Variants in DDX50 observed in about 807,000 individuals in gnomAD.
The protein encoded by DDX50 is ATP-dependent RNA helicase DDX50.
Under a neutral mutation model 94.8 loss-of-function variants are expected in DDX50, and 56 were observed. The observed-to-expected ratio is 0.59, with a 90% CI of 0.48 to 0.74. The LOEUF (loss-of-function observed/expected upper bound fraction) is 0.74, where lower values mean the gene tolerates loss of function less well. Ranked by LOEUF, DDX50 falls within the 30% of genes least tolerant of loss-of-function variation. DDX50 has a pLI of 0.00. For synonymous variants in DDX50, 264 were observed against 295.4 expected (o/e 0.89, Z 1.09); for missense variants, 713 against 881.2 (o/e 0.81, Z 2.42).
intron 2 of DDX50, among the ~76,000 whole-genome samples, chr10:68,907,321 T>G (rs895133591): frequency 6.7e-6 from 1 of 148,648 alleles, no homozygotes; most frequent in Non-Finnish European, 1.5e-5. Flanking sequence ...TTTTTTCTTT[T>G]TTTTTTTTTT....
At chr10:68,910,911 T>A (rs919193378) in intron 3 of DDX50, among the ~76,000 whole-genome samples, 157 bp from the exon 4 acceptor site, 4 of 152,226 alleles carry the variant, frequency 2.6e-5, no homozygotes, top group African/African-American at 9.6e-5. Context: ...TTTAGACTAA[T>A]TTTTTAGTAA....
At chr10:68,911,314 T>C in intron 4 of DDX50, 68 bp downstream of exon 4, 1 of 1,445,700 alleles carries the variant, frequency 6.9e-7, no homozygotes, top group Admixed American at 2.5e-5. Context: ...GTTACACGAG[T>C]CCTAAGTTCT....
At chr10:68,931,447 A>AC (rs10525578) in intron 8 of DDX50, among the ~76,000 whole-genome samples, 2 of 134,948 alleles carry the variant, frequency 1.5e-5, no homozygotes, top group African/African-American at 2.7e-5. Context: ...ACACACACAC[A>AC]ATTTTTTTTT....
chr10:68,928,082 A>G (rs1043974423), intron 8 of DDX50, among the ~76,000 whole-genome samples: 5 of 152,206 alleles, frequency 3.3e-5, no homozygotes, highest in Admixed American at 6.5e-5. Flanking sequence ...CTGGGAAGCC[A>G]AGACAGGAAA....
intron 12 of DDX50, among the ~76,000 whole-genome samples, chr10:68,939,309 T>C (rs4746803): frequency 0.62 from 93,955 of 152,030 alleles, 29,444 homozygotes; most frequent in East Asian, 0.89. Flanking sequence ...TTAGAAAATA[T>C]TGAGATTTGA....
chr10:68,915,437 G>A (rs574720462), intron 7 of DDX50, among the ~76,000 whole-genome samples: 1 of 150,804 alleles, frequency 6.6e-6, no homozygotes, highest in African/African-American at 2.4e-5. Context: ...GAAAAAAAAG[G>A]CTGGGTGCGG....
chr10:68,945,415 T>C (rs1842648832), intron 14 of DDX50, among the ~76,000 whole-genome samples: 1 of 152,056 alleles, frequency 6.6e-6, no homozygotes, highest in Admixed American at 6.6e-5. Flanking sequence ...CAAGCAATTC[T>C]CCTGCGTCAG....
At chr10:68,913,618 C>T (rs773590944) in intron 6 of DDX50, 42 bp downstream of exon 6, 60 of 1,552,068 alleles carry the variant, frequency 3.9e-5, no homozygotes, top group Non-Finnish European at 5.0e-5. Flanking sequence ...AATTATTGTT[C>T]GATCTTAAAT....
chr10:68,931,447 A>ACACACACACACACACACAC (rs10525578), intron 8 of DDX50, among the ~76,000 whole-genome samples: 2 of 134,992 alleles, frequency 1.5e-5, no homozygotes, highest in Non-Finnish European at 1.6e-5. Flanking sequence ...ACACACACAC[A>ACACACACACACACACACAC]ATTTTTTTTT....
At chr10:68,921,378 AT>A (rs1162781422) in intron 8 of DDX50, among the ~76,000 whole-genome samples, 1 of 152,028 alleles carries the variant, frequency 6.6e-6, no homozygotes, top group Non-Finnish European at 1.5e-5. Flanking sequence ...TCCTTTATGC[AT>A]TTTTTGTAGC....
At chr10:68,901,734 G>T (rs1414731711) in intron 1 of DDX50, among the ~76,000 whole-genome samples, 3 of 152,198 alleles carry the variant, frequency 2.0e-5, no homozygotes, top group Admixed American at 2.0e-4. Context: ...TCTCAGATGG[G>T]CAGACTCAAG....
Position 68,943,238 on chromosome 10 carries a change from C to G in DDX50, c.1916C>G (p.Thr639Ser). 1.2e-6 allele frequency: 2 copies of G among 1,607,950 alleles called. No individual in the cohort carries two copies. Among genetic ancestry groups the G allele is most frequent in the South Asian group, 2.2e-5 (2 of 89,024 alleles). Residue 639 changes from threonine to serine, a missense_variant, in exon 14 of 15, where the codon ACT becomes AGT. Around this residue, in one of 2 missense-constraint regions of DDX50, gnomAD observed 428 missense variants for 602.3 expected, o/e 0.71. Coordinates refer to ENST00000373585, the MANE Select transcript of DDX50 (RefSeq NM_024045.2). ...GGTGTTTGCTTTGATGTTCCTACAA[C>G]TGAGTCAGAAAGGTTACAGGTATTT... is the stretch of plus-strand genomic sequence containing the variant. ...NMGVCFDVPT[T>S]ESERLQAEWH...
rs1564615222 is a variant in DDX50, at chr10:68,934,308, G to GTTT, written c.1350_1351insTTT (p.Arg450_Gly451insPhe). 1 of 1,613,822 alleles carries GTTT rather than the reference G, an allele frequency of 6.2e-7. No individual in the cohort carries two copies. Among genetic ancestry groups the GTTT allele is most frequent in the African/African-American group, 1.3e-5 (1 of 75,040 alleles). ...TTGGTGGCAACCAATGTGGCTGCCCGTGGTTTGGACATTCCTGAAGTTGAC... is the reference window on the plus strand; with the variant it reads ...TTGGTGGCAACCAATGTGGCTGCCCGTTTTGGTTTGGACATTCCTGAAGTTGAC... On this transcript the variant is annotated inframe_insertion, in exon 9 of 15. Transcript: ENST00000373585. The surrounding 1 kb of genome is among the most constrained non-coding windows in gnomAD (Gnocchi z 4.0).
intron 1 of DDX50, among the ~76,000 whole-genome samples, chr10:68,904,067 C>A (rs1841371738): frequency 1.3e-5 from 2 of 151,726 alleles, no homozygotes; most frequent in African/African-American, 4.8e-5. Context: ...TTGCTTGAAC[C>A]CAGGAGGCAG....
chr10:68,942,317 A>C (rs1842573002), intron 13 of DDX50, among the ~76,000 whole-genome samples: 1 of 152,204 alleles, frequency 6.6e-6, no homozygotes, highest in African/African-American at 2.4e-5. Context: ...TTATTAATTT[A>C]ACTTTACTGC....
chr10:68,938,484 C>T (rs1472365302), intron 12 of DDX50, among the ~76,000 whole-genome samples: 4 of 152,106 alleles, frequency 2.6e-5, no homozygotes, highest in Non-Finnish European at 4.4e-5. Context: ...AGTGAGTGAG[C>T]GAACCTGGTC....
intron 14 of DDX50, among the ~76,000 whole-genome samples, chr10:68,943,530 A>G (rs1337173363): frequency 6.6e-6 from 1 of 151,818 alleles, no homozygotes; most frequent in Non-Finnish European, 1.5e-5. Flanking sequence ...CCAAGTAGCT[A>G]GAACTACAAG....
intron 6 of DDX50, 79 bp from the exon 7 acceptor site, chr10:68,913,980 G>T: frequency 7.8e-7 from 1 of 1,287,586 alleles, no homozygotes; most frequent in Non-Finnish European, 1.0e-6. Flanking sequence ...TTATTTTTTT[G>T]AAGCTTGGGA....
At position 68,913,490 on chromosome 10, in the gene DDX50, A is replaced by G; in HGVS notation, c.857A>G (p.His286Arg). The change falls in exon 6 of 15, where the codon CAT (histidine) becomes CGT (arginine). Residue 286 changes from histidine (H) to arginine (R), a missense_variant. Transcript: ENST00000373585. ...SGRLDLSKLR[H>R]VVLDEVDQML... ...CGATTGGATCTTTCTAAACTGCGAC[A>G]TGTTGTGCTTGATGAAGTGGATCAG... 6.2e-7 allele frequency: 1 copy of G among 1,614,174 alleles called. No homozygotes were observed.
Sources: allele counts gnomAD v4.1 joint callset (sites outside exome capture counted in the v4.1 genomes callset), GRCh38; gene constraint gnomAD v4.1.1; regional missense constraint gnomAD v4.1.1; non-coding constraint Gnocchi (gnomAD v3.1); transcripts MANE v1.5; gene names NCBI Gene and HGNC (gene_info 2026-07-23, HGNC 2026-07-21).